Variants in DLGAP2 observed in about 807,000 individuals in gnomAD.
The protein encoded by DLGAP2 is disks large-associated protein 2.
A neutral mutation model predicts 100.3 loss-of-function variants in DLGAP2; 26 were observed. The ratio of observed to expected loss-of-function variants is 0.26; its 90% CI spans 0.19 to 0.36. The LOEUF (loss-of-function observed/expected upper bound fraction) is 0.36, where lower values mean the gene tolerates loss of function less well. Ranked by LOEUF, DLGAP2 falls within the 10% of genes least tolerant of loss-of-function variation. The pLI, the probability that DLGAP2 is intolerant of heterozygous loss-of-function variation, is 1.00. For missense variants in DLGAP2, 1,858 were observed against 1,453.2 expected (o/e 1.28, Z -4.53); for synonymous variants, 886 against 630.1 (o/e 1.41, Z -6.08).
intron 8 of DLGAP2, among the ~76,000 whole-genome samples, chr8:1,655,355 A>C (rs1798259521): frequency 6.6e-6 from 1 of 152,162 alleles, no homozygotes; most frequent in South Asian, 2.1e-4. Context: ...GGGCTTGATG[A>C]CTGTAATTCC....
In DLGAP2 at chr8:838,038, TA is replaced by T. The variant is rs558034262; in HGVS notation, c.19-69873del. Among the ~76,000 whole-genome samples, 360 of 152,242 alleles carry T rather than the reference TA, an allele frequency of 2.4e-3. 1 individual carries two copies. The highest frequency in any genetic ancestry group is 8.1e-3 in the African/African-American group (338 of 41,564). On this transcript the variant is annotated intron_variant, in intron 1 of 14. Transcript: ENST00000637795. ...CACTGTGCCCAGCCTGAAATTTATA[TA>T]TATTAATATTTGGTAAACAAATGTT...
chr8:1,498,957 C>G (rs956833762), intron 3 of DLGAP2, among the ~76,000 whole-genome samples: 1 of 152,228 alleles, frequency 6.6e-6, no homozygotes, highest in Non-Finnish European at 1.5e-5. Context: ...TCAGCCCATG[C>G]TGGATTGTTA....
At chr8:774,663 G>A (rs1193201527) in intron 1 of DLGAP2, among the ~76,000 whole-genome samples, 6 of 151,286 alleles carry the variant, frequency 4.0e-5, no homozygotes, top group East Asian at 3.9e-4. Context: ...AGTTGTAGAT[G>A]TGCGGCATTA....
chr8:933,191 G>A (rs1439841580), intron 2 of DLGAP2, among the ~76,000 whole-genome samples: 4 of 152,252 alleles, frequency 2.6e-5, no homozygotes, highest in Non-Finnish European at 5.9e-5. Flanking sequence ...GGGAATTCAG[G>A]CCTCTCTAGG....
At chr8:1,507,590 A>G (rs1394183174) in intron 4 of DLGAP2, among the ~76,000 whole-genome samples, 1 of 152,134 alleles carries the variant, frequency 6.6e-6, no homozygotes, top group Non-Finnish European at 1.5e-5. Flanking sequence ...GGGCTCCTCA[A>G]GTGCGGCCGG....
At chr8:1,533,580 T>C (rs73172597) in intron 4 of DLGAP2, among the ~76,000 whole-genome samples, 14,396 of 152,212 alleles carry the variant, frequency 0.095, 795 homozygotes, top group Middle Eastern at 0.19. Flanking sequence ...TGTCTGACTA[T>C]TTTCAGGATT....
At chr8:1,591,048 G>A (rs1383001576) in intron 6 of DLGAP2, among the ~76,000 whole-genome samples, 1 of 152,174 alleles carries the variant, frequency 6.6e-6, no homozygotes, top group East Asian at 1.9e-4. Context: ...ACACATTCTT[G>A]CCCTTCCGTG....
intron 2 of DLGAP2, chr8:1,019,219 T>C (rs991264512): frequency 1.3e-5 from 2 of 152,174 alleles, no homozygotes; most frequent in African/African-American, 4.8e-5. Context: ...GTTCCCATGC[T>C]GGCTTTCCCA....
chr8:1,557,489 G>A (rs1802004860), intron 5 of DLGAP2, among the ~76,000 whole-genome samples: 1 of 152,082 alleles, frequency 6.6e-6, no homozygotes, highest in Non-Finnish European at 1.5e-5. Context: ...GGTCTCGGCC[G>A]ATTCTGAGAG....
intron 6 of DLGAP2, among the ~76,000 whole-genome samples, chr8:1,600,226 T>C (rs1473345306): frequency 6.6e-6 from 1 of 152,218 alleles, no homozygotes; most frequent in African/African-American, 2.4e-5. Flanking sequence ...TTTTAGCGTG[T>C]CTGCAGAGAT....
intron 1 of DLGAP2, among the ~76,000 whole-genome samples, chr8:894,525 A>G (rs1482682788): frequency 6.6e-6 from 1 of 151,188 alleles, no homozygotes; most frequent in African/African-American, 2.4e-5. Flanking sequence ...CAGGTGCAGA[A>G]AGACAAGCAC....
chr8:1,498,561 G>T (rs916714023), intron 3 of DLGAP2, among the ~76,000 whole-genome samples: 1 of 152,202 alleles, frequency 6.6e-6, no homozygotes, highest in East Asian at 1.9e-4. Flanking sequence ...GGGAATTTGG[G>T]CAAGAGCAGA....
At chr8:1,681,681 C>T (rs910779207) in intron 12 of DLGAP2, among the ~76,000 whole-genome samples, 67 of 152,286 alleles carry the variant, frequency 4.4e-4, no homozygotes, top group African/African-American at 1.6e-3. Flanking sequence ...GACCAGTTCT[C>T]CCTGAACACA....
At chr8:1,380,746 T>C (rs1796072463) in intron 3 of DLGAP2, among the ~76,000 whole-genome samples, 1 of 152,054 alleles carries the variant, frequency 6.6e-6, no homozygotes, top group South Asian at 2.1e-4. Flanking sequence ...TCATGACTAT[T>C]GGTATTAACT....
At chr8:1,119,888 G>A (rs1300501779) in intron 2 of DLGAP2, among the ~76,000 whole-genome samples, 2 of 152,126 alleles carry the variant, frequency 1.3e-5, no homozygotes, top group Admixed American at 1.3e-4. Flanking sequence ...AGCTTATTCT[G>A]CTTTAGGGAC....
chr8:1,110,090 G>A (rs1448566989), intron 2 of DLGAP2, among the ~76,000 whole-genome samples: 4 of 143,098 alleles, frequency 2.8e-5, no homozygotes, highest in Non-Finnish European at 6.1e-5. Flanking sequence ...GGTGTGCACG[G>A]GTCTGTGAGG....
chr8:1,040,919 G>T (rs1309318441), intron 2 of DLGAP2, among the ~76,000 whole-genome samples: 1 of 152,082 alleles, frequency 6.6e-6, no homozygotes, highest in Admixed American at 6.5e-5. Context: ...TTTGATCTAG[G>T]CTGTAAACCA....
At chr8:1,350,254 C>CTGAG (rs1477960379) in intron 3 of DLGAP2, among the ~76,000 whole-genome samples, 15 of 101,316 alleles carry the variant, frequency 1.5e-4, no homozygotes, top group South Asian at 4.4e-4. Context: ...CGTGCGGGTC[C>CTGAG]TGAGCATGTG....
chr8:1,679,599 G>C (rs1056498442), intron 12 of DLGAP2, among the ~76,000 whole-genome samples: 1 of 152,210 alleles, frequency 6.6e-6, no homozygotes, highest in Non-Finnish European at 1.5e-5. Flanking sequence ...AGTCCCGTTG[G>C]TACTCACCTA....
Sources: allele counts gnomAD v4.1 joint callset (sites outside exome capture counted in the v4.1 genomes callset), GRCh38; gene constraint gnomAD v4.1.1; transcripts MANE v1.5; gene names NCBI Gene and HGNC (gene_info 2026-07-23, HGNC 2026-07-21).